COBL: variants seen among roughly 807,000 people sequenced by gnomAD.
COBL encodes the protein cordon-bleu WH2 repeat protein.
Under a neutral mutation model 98.8 loss-of-function variants are expected in COBL, and 51 were observed. The ratio of observed to expected loss-of-function variants is 0.52; its 90% CI spans 0.41 to 0.65. COBL has a LOEUF of 0.65. COBL is among the 30% of genes least tolerant of loss of function. The probability of loss-of-function intolerance (pLI) is 0.00; values close to 1 mark genes in which losing one functional copy is unlikely to be tolerated. For missense variants in COBL, 1,617 were observed against 1,617.5 expected (o/e 1.00, Z 0.01); for synonymous variants, 634 against 651.7 (o/e 0.97, Z 0.41).
At chr7:51,021,826 C>T (rs754835017) in intron 12 of COBL, among the ~76,000 whole-genome samples, 7 of 152,202 alleles carry the variant, frequency 4.6e-5, no homozygotes, top group Non-Finnish European at 7.3e-5. Context: ...TTTCCCAAAT[C>T]GCAAATGTCT....
At chr7:51,063,952 G>C (rs1342767306) in intron 7 of COBL, among the ~76,000 whole-genome samples, 1 of 152,168 alleles carries the variant, frequency 6.6e-6, no homozygotes, top group African/African-American at 2.4e-5. Flanking sequence ...AAATCACCCA[G>C]TAACAGACCC....
chr7:51,224,474 G>A (rs1793987761), intron 1 of COBL, among the ~76,000 whole-genome samples: 1 of 151,936 alleles, frequency 6.6e-6, no homozygotes, highest in Non-Finnish European at 1.5e-5. Flanking sequence ...TAGCCGAGGT[G>A]GCCTTGAACA....
intron 1 of COBL, among the ~76,000 whole-genome samples, chr7:51,312,470 A>T (rs1351087715): frequency 6.6e-6 from 1 of 152,232 alleles, no homozygotes; most frequent in Non-Finnish European, 1.5e-5. Flanking sequence ...TCAAATATTT[A>T]TGCTCACTTT....
intron 5 of COBL, among the ~76,000 whole-genome samples, chr7:51,141,108 T>C (rs1799702636): frequency 6.6e-6 from 1 of 151,910 alleles, no homozygotes; most frequent in African/African-American, 2.4e-5. Flanking sequence ...ACCTGAAATC[T>C]TTCTGTTTAA....
At chr7:51,096,675 C>T (rs1483915197) in intron 6 of COBL, among the ~76,000 whole-genome samples, 2 of 151,702 alleles carry the variant, frequency 1.3e-5, no homozygotes, top group Non-Finnish European at 2.9e-5. Context: ...ACAAGTGATG[C>T]TACAAAAACA....
At chr7:51,122,672 T>A (rs1006326952) in intron 6 of COBL, among the ~76,000 whole-genome samples, 8 of 152,228 alleles carry the variant, frequency 5.3e-5, no homozygotes, top group Admixed American at 1.3e-4. Flanking sequence ...GCTTTACATC[T>A]GGCACATTTA....
intron 1 of COBL, among the ~76,000 whole-genome samples, chr7:51,281,527 C>A (rs111765846): frequency 6.6e-6 from 1 of 151,776 alleles, no homozygotes; most frequent in African/African-American, 2.4e-5. Context: ...ACTAAAAACA[C>A]GGAAAAAACC....
chr7:51,168,181 A>C (rs1202194935), intron 5 of COBL, among the ~76,000 whole-genome samples: 1 of 152,184 alleles, frequency 6.6e-6, no homozygotes, highest in African/African-American at 2.4e-5. Context: ...GGGATTAATA[A>C]CCAGAATATA....
chr7:51,262,749 G>T (rs1163415507), intron 1 of COBL, among the ~76,000 whole-genome samples: 1 of 152,214 alleles, frequency 6.6e-6, no homozygotes, highest in Non-Finnish European at 1.5e-5. Flanking sequence ...TGGTCCCAGG[G>T]CAGTCTCAGT....
intron 1 of COBL, among the ~76,000 whole-genome samples, chr7:51,300,028 T>G (rs927783864): frequency 6.6e-6 from 1 of 152,236 alleles, no homozygotes; most frequent in African/African-American, 2.4e-5. Context: ...AAACAGGCCA[T>G]GCATCTCTGA....
At position 51,238,508 on chromosome 7, in the gene COBL, C is replaced by T. The variant is rs185037088; in HGVS notation, c.42-18564G>A. Among the ~76,000 whole-genome samples, 4 of 152,232 alleles carry T rather than the reference C, an allele frequency of 2.6e-5. No homozygotes were observed. In the East Asian group the frequency reaches 7.7e-4, roughly 29 times the overall value. On this transcript the variant is annotated intron_variant, in intron 1 of 12. Coordinates refer to ENST00000265136, the MANE Select transcript of COBL (RefSeq NM_015198.5). ...AGTTGTAACTTACACTGAAGTTACT[C>T]TTTGTCCGCCAGCCCTAACAAAATT...
chr7:51,285,344 C>T (rs934417280), intron 1 of COBL, among the ~76,000 whole-genome samples: 8 of 150,372 alleles, frequency 5.3e-5, no homozygotes, highest in African/African-American at 2.0e-4. Flanking sequence ...CACCTTTTTT[C>T]TAGACATACA....
At chr7:51,131,692 C>T (rs2129001722) in intron 6 of COBL, among the ~76,000 whole-genome samples, 1 of 151,892 alleles carries the variant, frequency 6.6e-6, no homozygotes, top group Admixed American at 6.6e-5. Context: ...CTTCCAGTTT[C>T]AAGTGATTCT....
chr7:51,054,597 T>C (rs1790551263), intron 7 of COBL, among the ~76,000 whole-genome samples: 1 of 152,156 alleles, frequency 6.6e-6, no homozygotes, highest in Non-Finnish European at 1.5e-5. Flanking sequence ...GTGGGCCCCG[T>C]TCCTCTCTGC....
At chr7:51,314,427 T>G (rs747035615) in intron 1 of COBL, among the ~76,000 whole-genome samples, 2 of 152,212 alleles carry the variant, frequency 1.3e-5, no homozygotes, top group Non-Finnish European at 2.9e-5. Context: ...GTAATCTCAG[T>G]GAAGAGCCAA....
At chr7:51,283,843 T>G (rs1800027525) in intron 1 of COBL, among the ~76,000 whole-genome samples, 1 of 152,036 alleles carries the variant, frequency 6.6e-6, no homozygotes, top group Non-Finnish European at 1.5e-5. Context: ...GTGGTTTCAC[T>G]GGCCAATTTT....
chr7:51,197,398 T>A (rs1790692422), intron 2 of COBL, among the ~76,000 whole-genome samples: 1 of 152,168 alleles, frequency 6.6e-6, no homozygotes, highest in Non-Finnish European at 1.5e-5. Context: ...GTTGTTATTA[T>A]TTAAGTTTTG....
chr7:51,127,092 C>T (rs1798282367), intron 6 of COBL, among the ~76,000 whole-genome samples: 1 of 152,106 alleles, frequency 6.6e-6, no homozygotes. Flanking sequence ...GTGCTCAAGG[C>T]CGTGGGACGT....
intron 1 of COBL, among the ~76,000 whole-genome samples, chr7:51,304,535 C>T (rs1396224999): frequency 6.6e-6 from 1 of 152,198 alleles, no homozygotes; most frequent in African/African-American, 2.4e-5. Flanking sequence ...AGTTTCCTAT[C>T]AAGGTGGCAT....
Sources: allele counts gnomAD v4.1 joint callset (sites outside exome capture counted in the v4.1 genomes callset), GRCh38; gene constraint gnomAD v4.1.1; transcripts MANE v1.5; gene names NCBI Gene and HGNC (gene_info 2026-07-23, HGNC 2026-07-21).